TRMT10B: variants seen among roughly 807,000 people sequenced by gnomAD.
TRMT10B encodes tRNA methyltransferase 10B, also known as tRNA methyltransferase 10 homolog B.
A neutral mutation model predicts 43.8 loss-of-function variants in TRMT10B; 33 were observed. That is an observed-to-expected ratio of 0.75 (90% CI 0.57 to 1.01). The LOEUF is 1.01. Ranked by LOEUF, TRMT10B falls within the 50% of genes least tolerant of loss-of-function variation. TRMT10B has a pLI of 0.00. For synonymous variants in TRMT10B, 137 were observed against 130.6 expected, an observed-to-expected ratio of 1.05 and a Z score of -0.34; for missense variants, 362 against 369.8, an observed-to-expected ratio of 0.98 and a Z score of 0.17.
In TRMT10B at chr9:37,769,356, C is replaced by T. The variant is rs145292293; in HGVS notation, c.574-585C>T. 6.8e-3 allele frequency among the ~76,000 whole-genome samples: 940 copies of T among 137,270 alleles called. 9 individuals are homozygous for T. Among genetic ancestry groups the T allele is most frequent in the Admixed American group, 0.013 (171 of 13,350 alleles). 90.1% of individuals were successfully genotyped at this position (137,270 alleles called of 152,430 possible). ...AAAAAAAAAAATCTCCTTTCAGAAA[C>T]CCAGTTCCAGCATTTCCTTCCCCAG... On this transcript the variant is annotated intron_variant, in intron 5 of 8. Transcript: ENST00000297994.
chr9:37,769,964 CT>C lies in TRMT10B; in HGVS notation c.600del (p.Phe200LeufsTer12), dbSNP rs869302926. 1 of 1,614,114 alleles carries C rather than the reference CT, an allele frequency of 6.2e-7. No homozygotes were observed. Among genetic ancestry groups the C allele is most frequent in the Non-Finnish European group, 8.5e-7 (1 of 1,179,990 alleles). On this transcript the variant is annotated frameshift_variant, in exon 6 of 9. Transcript: ENST00000297994. LOFTEE classifies it high-confidence loss of function. ...AGTTAGACATAACAGAAGAAGACTG[CT>C]TTAGTTTATTTCCCTTGGAAACCCT... The part of the protein sequence containing the change: ...YLLDITEEDC[F>X]SLFPLETLVY...
rs770084289 is a variant in TRMT10B at position 37,762,716 on chromosome 9, ATATT to A, written c.295+37_295+40del. The A allele has an allele frequency of 4.9e-4, 750 of 1,535,966 alleles. 1 individual carries two copies. The highest frequency in any genetic ancestry group is 2.6e-3 in the South Asian group (211 of 79,766). On this transcript the variant is annotated intron_variant, in intron 3 of 8. Coordinates refer to ENST00000297994, the MANE Select transcript of TRMT10B (RefSeq NM_144964.4). ...AATAAATGAGACTGTTGGTATAATA[ATATT>A]TATTTTTTAGCAAACGTGTCTGCAT...
chr9:37,757,688 C>G lies in TRMT10B; in HGVS notation c.-30+3836C>G, dbSNP rs545104841. Among the ~76,000 whole-genome samples the G allele has an allele frequency of 1.8e-4, 27 of 151,464 alleles. No individual in the cohort carries two copies. In the South Asian group the frequency reaches 5.5e-3, roughly 31 times the overall value. Reference sequence around the variant, plus strand: ...TACCTTCTAATAGCAACTGTAAGAACAACACTGAAGGGGTTTTGAATAGTA... The same window carrying G: ...TACCTTCTAATAGCAACTGTAAGAAGAACACTGAAGGGGTTTTGAATAGTA... On this transcript the variant is annotated intron_variant, in intron 1 of 8. Coordinates refer to ENST00000297994, the MANE Select transcript of TRMT10B (RefSeq NM_144964.4).
Position 37,763,610 on chromosome 9 carries a change from T to C in TRMT10B, c.296-19T>C, listed in dbSNP as rs1826651486. On this transcript the variant is annotated intron_variant, in intron 3 of 8. Coordinates refer to ENST00000297994, the MANE Select transcript of TRMT10B (RefSeq NM_144964.4). ...CTCTGGTTTTCCACTTTTATTTCTT[T>C]CTGATATTTCTGCTTTAGGCATTTG... is the stretch of plus-strand genomic sequence containing the variant. The C allele has an allele frequency of 6.2e-7, 1 of 1,605,250 alleles. No homozygotes were observed. Among genetic ancestry groups the C allele is most frequent in the Middle Eastern group, 1.7e-4 (1 of 6,028 alleles).
At chr9:37,758,998 G>C (rs1826004869) in intron 1 of TRMT10B, among the ~76,000 whole-genome samples, 1 of 152,160 alleles carries the variant, frequency 6.6e-6, no homozygotes, top group Non-Finnish European at 1.5e-5. Context: ...ATCTGTGTAC[G>C]GGTCCCCAGA....
At chr9:37,763,051 G>C (rs1826547502) in intron 3 of TRMT10B, among the ~76,000 whole-genome samples, 2 of 147,412 alleles carry the variant, frequency 1.4e-5, no homozygotes, top group Admixed American at 6.9e-5. Flanking sequence ...GCTGAGGCAG[G>C]AGAATCACAA....
intron 8 of TRMT10B, 66 bp from the exon 9 acceptor site, chr9:37,777,534 TC>T (rs1697712591): frequency 7.7e-7 from 1 of 1,306,964 alleles, no homozygotes; most frequent in Non-Finnish European, 1.1e-6. Flanking sequence ...TTACAGAACA[TC>T]CTTTTCATTT....
chr9:37,772,324 A>G (rs1564002429), intron 7 of TRMT10B, among the ~76,000 whole-genome samples: 7 of 148,422 alleles, frequency 4.7e-5, no homozygotes, highest in Non-Finnish European at 1.0e-4. Context: ...TAGTTCTTAA[A>G]TTTTTTTTTT....
intron 7 of TRMT10B, among the ~76,000 whole-genome samples, chr9:37,774,025 C>G (rs890564749): frequency 2.2e-4 from 34 of 151,284 alleles, no homozygotes; most frequent in African/African-American, 8.0e-4. Flanking sequence ...AGCAGGGTGA[C>G]AGCGCCCCCA....
Position 37,776,022 on chromosome 9 carries a change from C to G in TRMT10B, c.721-260C>G. Among the ~76,000 whole-genome samples the G allele has an allele frequency of 1.3e-5, 2 of 152,116 alleles. 1 individual carries two copies. The highest frequency in any genetic ancestry group is 3.9e-4 in the East Asian group (2 of 5,194). On this transcript the variant is annotated intron_variant, in intron 7 of 8. Coordinates refer to ENST00000297994, the MANE Select transcript of TRMT10B (RefSeq NM_144964.4). ...GCTCTGATTGATTAGACTGCTTGGG[C>G]CTTTTGATGCCTACTGTGGCTGCAG... is the stretch of plus-strand genomic sequence containing the variant.
chr9:37,768,049 C>A, intron 4 of TRMT10B, 27 bp from the exon 5 acceptor site: 1 of 1,609,766 alleles, frequency 6.2e-7, no homozygotes, highest in East Asian at 2.2e-5. Flanking sequence ...CATGTTTTTG[C>A]CCTGAGTTGT....
At chr9:37,763,143 C>CAAAAAAAAAAAAAAAAAAAAAAAA (rs747893643) in intron 3 of TRMT10B, among the ~76,000 whole-genome samples, 2 of 50,206 alleles carry the variant, frequency 4.0e-5, no homozygotes, top group East Asian at 7.9e-4. Flanking sequence ...GACTCTGTCT[C>CAAAAAAAAAAAAAAAAAAAAAAAA]AAAAAAAAAA....
At chr9:37,753,344 G>T (rs970038733), upstream of TRMT10B, among the ~76,000 whole-genome samples, 10 of 152,192 alleles carry the variant, frequency 6.6e-5, no homozygotes, top group Admixed American at 6.5e-4. Flanking sequence ...GTCAGTCCCC[G>T]TTGGGCCTAA....
At chr9:37,761,695 TCAAA>T (rs1489542896) in intron 1 of TRMT10B, among the ~76,000 whole-genome samples, 8 of 152,130 alleles carry the variant, frequency 5.3e-5, no homozygotes, top group African/African-American at 9.7e-5. Context: ...CAAAACCGTC[TCAAA>T]CAAACAAAAC....
chr9:37,770,018 C>T lies in TRMT10B; in HGVS notation c.651C>T (p.His217=), dbSNP rs746151169. 1.1e-5 allele frequency: 18 copies of T among 1,611,710 alleles called. No individual in the cohort carries two copies. The highest frequency in any genetic ancestry group is 8.0e-5 in the African/African-American group (6 of 74,858). The change falls in exon 6 of 9, where the codon CAC becomes CAT. Residue 217 remains histidine, a splice_region_variant and synonymous_variant. Coordinates refer to ENST00000297994, the MANE Select transcript of TRMT10B (RefSeq NM_144964.4). ...TGTACCTGACTCCTGACTCAGAACA[C>T]GGTATGTAGTTGAATGCATGGATTC... ...TLVYLTPDSE[H]ALEDVDLNKV...
chr9:37,770,671 G>T lies in TRMT10B; in HGVS notation c.653-1G>T. 6.2e-7 allele frequency: 1 copy of T among 1,612,164 alleles called. No homozygotes were observed. Among genetic ancestry groups the T allele is most frequent in the African/African-American group, 1.3e-5 (1 of 74,868 alleles). On this transcript the variant is annotated splice_acceptor_variant, in intron 6 of 8. Transcript: ENST00000297994. LOFTEE classifies it high-confidence loss of function. Reference sequence around the variant, plus strand: ...CTCATTGGCCTTCATTTTTTCATTAGCTCTTGAAGATGTTGATCTAAACAA... The same window carrying T: ...CTCATTGGCCTTCATTTTTTCATTATCTCTTGAAGATGTTGATCTAAACAA...
intron 2 of TRMT10B, among the ~76,000 whole-genome samples, 158 bp downstream of exon 2, chr9:37,762,275 C>G (rs1204768624): frequency 6.6e-6 from 1 of 152,228 alleles, no homozygotes; most frequent in East Asian, 1.9e-4. Context: ...AGTTTTAGTT[C>G]CATTTGAGTC....
chr9:37,763,557 G>A, intron 3 of TRMT10B, 72 bp from the exon 4 acceptor site: 1 of 1,374,326 alleles, frequency 7.3e-7, no homozygotes, highest in South Asian at 1.3e-5. Context: ...TACCCACCTG[G>A]CTAAGATTTG....
intron 7 of TRMT10B, among the ~76,000 whole-genome samples, chr9:37,772,930 T>G (rs1192556484): frequency 1.3e-5 from 2 of 152,202 alleles, no homozygotes; most frequent in African/African-American, 4.8e-5. Flanking sequence ...AAAAACAGTT[T>G]GGGGAAAGTT....
Sources: gnomAD v4.1 joint callset for allele counts (sites outside exome capture counted in the v4.1 genomes callset) on GRCh38, gnomAD v4.1.1 for gene constraint, MANE v1.5 for transcripts, NCBI Gene and HGNC (gene_info 2026-07-23, HGNC 2026-07-21) for gene names.